Variants in SUSD4 observed in about 807,000 individuals in gnomAD.
SUSD4 encodes sushi domain-containing protein 4.
SUSD4 carries 41 observed loss-of-function variants against 50.5 expected under a neutral mutation model. The ratio of observed to expected loss-of-function variants is 0.81; its 90% CI spans 0.63 to 1.05. SUSD4 has a LOEUF of 1.05. Among genes scored for constraint, SUSD4 ranks in the 50% least tolerant of loss-of-function variants. The pLI, the probability that SUSD4 is intolerant of heterozygous loss-of-function variation, is 0.00. For synonymous variants in SUSD4, 257 were observed against 257.3 expected (o/e 1.00, Z 0.01); for missense variants, 580 against 634.7 (o/e 0.91, Z 0.93).
intron 3 of SUSD4, among the ~76,000 whole-genome samples, chr1:223,275,512 A>G (rs1663195094): frequency 6.6e-6 from 1 of 152,214 alleles, no homozygotes; most frequent in South Asian, 2.1e-4. Context: ...TGCCCTTCTC[A>G]TGGGCTGATG....
intron 7 of SUSD4, among the ~76,000 whole-genome samples, chr1:223,223,976 C>T (rs1413244792): frequency 6.6e-6 from 1 of 152,234 alleles, no homozygotes; most frequent in Non-Finnish European, 1.5e-5. Context: ...GACAACATAA[C>T]CCTTTCTAAC....
chr1:223,346,321 A>C (rs1668032668), intron 2 of SUSD4, among the ~76,000 whole-genome samples: 1 of 152,188 alleles, frequency 6.6e-6, no homozygotes, highest in African/African-American at 2.4e-5. Flanking sequence ...AGGAATCAAT[A>C]AGAAGAAAAT....
intron 1 of SUSD4, 113 bp from the exon 2 acceptor site, chr1:223,363,573 T>C (rs938825484): frequency 3.2e-6 from 4 of 1,237,792 alleles, no homozygotes; most frequent in Admixed American, 6.2e-5. Flanking sequence ...TCCATCCTGG[T>C]TCCTCCCCCG....
chr1:223,334,208 A>G (rs1191106484), intron 2 of SUSD4, among the ~76,000 whole-genome samples: 1 of 152,222 alleles, frequency 6.6e-6, no homozygotes, highest in East Asian at 1.9e-4. Context: ...GCTGTTTTAA[A>G]AGGAAACAGA....
At chr1:223,223,138 T>G in intron 8 of SUSD4, 111 bp downstream of exon 8, 1 of 1,409,632 alleles carries the variant, frequency 7.1e-7, no homozygotes, top group Non-Finnish European at 9.3e-7. Context: ...GGTAAACAGA[T>G]TGATTCGACT....
chr1:223,327,894 T>C (rs1666967380), intron 2 of SUSD4, among the ~76,000 whole-genome samples: 1 of 152,104 alleles, frequency 6.6e-6, no homozygotes, highest in African/African-American at 2.4e-5. Context: ...AAAGCAGCAA[T>C]GTGTAGAAAA....
rs943663394 is a variant in SUSD4 at position 223,265,744 on chromosome 1, T to A, written c.536-926A>T. On this transcript the variant is annotated intron_variant, in intron 4 of 8. Transcript: ENST00000366878. ...CCTGGTGGCAGAGAATTCTGTTGTG[T>A]GTGGCATCCACTGTGATCAGGGCAT... is the stretch of plus-strand genomic sequence containing the variant. Among the ~76,000 whole-genome samples the A allele has an allele frequency of 2.0e-5, 3 of 152,260 alleles. No individual in the cohort carries two copies. In the East Asian group the frequency reaches 5.8e-4, roughly 29 times the overall value.
Position 223,221,914 on chromosome 1 carries a change from GATACACA to G in SUSD4, c.*271_*277del. 2.5e-6 allele frequency: 1 copy of G among 397,116 alleles called. No individual in the cohort carries two copies. Among genetic ancestry groups the G allele is most frequent in the East Asian group, 4.0e-5 (1 of 24,882 alleles). The allele number at this position is 397,116 out of a possible 1,614,324, so 24.6% of individuals were successfully genotyped here. On this transcript the variant is annotated 3_prime_UTR_variant, in exon 9 of 9. Coordinates refer to ENST00000366878, the MANE Select transcript of SUSD4 (RefSeq NM_017982.4). ...GGAATTGTCCCATGTTCCACAGCACGATACACATTTAACACCCCTCATCCAAGACCAC... is the reference window on the plus strand; with the variant it reads ...GGAATTGTCCCATGTTCCACAGCACGTTTAACACCCCTCATCCAAGACCAC...
At position 223,363,413 on chromosome 1, in the gene SUSD4, T is replaced by C. The variant is rs779478173; in HGVS notation, c.13A>G (p.Met5Val). 2.2e-5 allele frequency: 34 copies of C among 1,560,024 alleles called. No homozygotes were observed. The South Asian group carries it at 3.9e-4, about 18-fold the overall frequency. The change falls in exon 2 of 9, where the codon ATG (methionine) becomes GTG (valine). Residue 5 changes from methionine to valine, a missense_variant. Physicochemically the swap from Met to Val is conservative, Grantham distance 21 (BLOSUM62 1). Coordinates refer to ENST00000366878, the MANE Select transcript of SUSD4 (RefSeq NM_017982.4). ...AATCCATCTCCATTGCTCGGGTTCATTCCATGATACATCTTTCATCCACAG... is the reference window on the plus strand; with the variant it reads ...AATCCATCTCCATTGCTCGGGTTCACTCCATGATACATCTTTCATCCACAG... MYHG[M>V]NPSNGDGFLE... is the part of the protein sequence containing the mutation.
rs560893073 is a variant in SUSD4, at chr1:223,332,127, C to A, written c.148+31151G>T. 3.4e-3 allele frequency among the ~76,000 whole-genome samples: 517 copies of A among 152,264 alleles called. 2 individuals carry two copies. Among genetic ancestry groups the A allele is most frequent in the Non-Finnish European group, 6.1e-3 (417 of 68,026 alleles). Reference sequence around the variant, plus strand: ...ATTCTCCAGTTGCTGATTTCTAGTCCTCTTGGGCAAATGCCAATTGCTAAG... The same window carrying A: ...ATTCTCCAGTTGCTGATTTCTAGTCATCTTGGGCAAATGCCAATTGCTAAG... On this transcript the variant is annotated intron_variant, in intron 2 of 8. Coordinates refer to ENST00000366878, the MANE Select transcript of SUSD4 (RefSeq NM_017982.4). This position sits in a 1 kb window ranked among gnomAD's most constrained non-coding sequence, Gnocchi z 4.0.
At chr1:223,294,375 A>G (rs994020608) in intron 2 of SUSD4, among the ~76,000 whole-genome samples, 3 of 152,180 alleles carry the variant, frequency 2.0e-5, no homozygotes, top group Non-Finnish European at 2.9e-5. Flanking sequence ...TATCGAACTC[A>G]TATCTGTTTT....
chr1:223,273,840 T>C (rs1009693306), intron 3 of SUSD4, among the ~76,000 whole-genome samples: 6 of 152,360 alleles, frequency 3.9e-5, no homozygotes, highest in Middle Eastern at 3.4e-3. Flanking sequence ...TGAAAGCTCA[T>C]GTCTGGTGAC....
chr1:223,253,039 C>A (rs577122818), intron 5 of SUSD4, among the ~76,000 whole-genome samples: 111 of 151,036 alleles, frequency 7.3e-4, no homozygotes, highest in Non-Finnish European at 1.2e-3. Flanking sequence ...TGCAGTGAGC[C>A]GAGATTGCAC....
intron 2 of SUSD4, among the ~76,000 whole-genome samples, chr1:223,321,169 A>G (rs1467985068): frequency 6.6e-6 from 1 of 152,188 alleles, no homozygotes; most frequent in African/African-American, 2.4e-5. Flanking sequence ...GACACTGCAC[A>G]GCCAGTGAAA....
chr1:223,363,450 C>T lies in SUSD4; in HGVS notation c.-25G>A. 2 of 1,512,806 alleles carry T rather than the reference C, an allele frequency of 1.3e-6. No homozygotes were observed. The highest frequency in any genetic ancestry group is 1.8e-6 in the Non-Finnish European group (2 of 1,122,834). The allele number at this position is 1,512,806 out of a possible 1,614,324, so 93.7% of individuals were successfully genotyped here. On this transcript the variant is annotated 5_prime_UTR_variant, in exon 2 of 9. Transcript: ENST00000366878. ...TCTTTCATCCACAGAGGGCATCCAG[C>T]TTGCAAGAGTCTGCAACCAGAAGCG... is the stretch of plus-strand genomic sequence containing the variant.
Position 223,259,723 on chromosome 1 carries a change from T to C in SUSD4, c.724+4907A>G, listed in dbSNP as rs1661963768. ...CAAGCACACAGTGTCTTGGGGATTC[T>C]GGGCAGTTAGTGCCTCTTCTTCCTA... On this transcript the variant is annotated intron_variant, in intron 5 of 8. Transcript: ENST00000366878. Among the ~76,000 whole-genome samples the C allele has an allele frequency of 4.6e-5, 7 of 152,346 alleles. 1 individual carries two copies. In the South Asian group the frequency reaches 1.4e-3, roughly 32 times the overall value.
chr1:223,259,797 G>A (rs947037934), intron 5 of SUSD4, among the ~76,000 whole-genome samples: 1 of 152,016 alleles, frequency 6.6e-6, no homozygotes, highest in African/African-American at 2.4e-5. Flanking sequence ...TGTGCTACAT[G>A]GTTGGTTCAT....
intron 2 of SUSD4, among the ~76,000 whole-genome samples, chr1:223,329,933 A>G (rs949866913): frequency 1.3e-5 from 2 of 152,142 alleles, no homozygotes; most frequent in African/African-American, 4.8e-5. Flanking sequence ...CAGATGAATG[A>G]ATGGATGGAT....
chr1:223,319,685 C>T (rs1419496479), intron 2 of SUSD4, among the ~76,000 whole-genome samples: 10 of 152,194 alleles, frequency 6.6e-5, no homozygotes, highest in Non-Finnish European at 1.3e-4. Context: ...GCGGCCCTTT[C>T]AATAGGACCA....
Sources: allele counts gnomAD v4.1 joint callset (sites outside exome capture counted in the v4.1 genomes callset), GRCh38; gene constraint gnomAD v4.1.1; non-coding constraint Gnocchi (gnomAD v3.1); transcripts MANE v1.5; gene names NCBI Gene and HGNC (gene_info 2026-07-23, HGNC 2026-07-21).